The following TMEM178B variants were observed in gnomAD, a reference collection of about 807,000 sequenced individuals.
TMEM178B encodes transmembrane protein 178B.
TMEM178B carries 5 observed loss-of-function variants against 31.0 expected under a neutral mutation model. That is an observed-to-expected ratio of 0.16 (90% CI 0.08 to 0.34). TMEM178B has a LOEUF of 0.34. Among genes scored for constraint, TMEM178B ranks in the 10% least tolerant of loss-of-function variants. The probability of loss-of-function intolerance (pLI) is 1.00; values close to 1 mark genes in which losing one functional copy is unlikely to be tolerated. For missense variants in TMEM178B, 275 were observed against 400.3 expected (o/e 0.69, Z 2.67); for synonymous variants, 164 against 164.0 (o/e 1.00, Z 0.00).
chr7:141,408,193 A>C (rs1800919038), intron 2 of TMEM178B, among the ~76,000 whole-genome samples: 1 of 151,764 alleles, frequency 6.6e-6, no homozygotes. Flanking sequence ...AAAAAAAAAA[A>C]GGTGAACCTA....
chr7:141,195,804 G>A (rs1273825848), intron 1 of TMEM178B, among the ~76,000 whole-genome samples: 1 of 152,198 alleles, frequency 6.6e-6, no homozygotes, highest in Non-Finnish European at 1.5e-5. Context: ...CATGGCTGGG[G>A]AGGCCTCAGA....
chr7:141,394,448 T>C (rs1800601071), intron 2 of TMEM178B, among the ~76,000 whole-genome samples: 1 of 152,266 alleles, frequency 6.6e-6, no homozygotes, highest in Non-Finnish European at 1.5e-5. Flanking sequence ...TCACTGGCAA[T>C]GTGGCCTTGG....
chr7:141,267,466 C>T (rs1798112186), intron 2 of TMEM178B, among the ~76,000 whole-genome samples: 1 of 152,164 alleles, frequency 6.6e-6, no homozygotes, highest in South Asian at 2.1e-4. Context: ...CCCTCATTAG[C>T]TCATCATATT....
intron 1 of TMEM178B, among the ~76,000 whole-genome samples, chr7:141,192,196 A>T (rs1384697068): frequency 2.0e-5 from 3 of 152,220 alleles, no homozygotes; most frequent in Non-Finnish European, 4.4e-5. Flanking sequence ...TCACCTAGGC[A>T]ACAGAGAGAG....
chr7:141,301,076 T>G (rs1798716717), intron 2 of TMEM178B, among the ~76,000 whole-genome samples: 1 of 152,164 alleles, frequency 6.6e-6, no homozygotes, highest in Non-Finnish European at 1.5e-5. Context: ...AAGGCTTTGT[T>G]CCAGATCCTT....
chr7:141,124,488 C>A (rs1795458030), intron 1 of TMEM178B, among the ~76,000 whole-genome samples: 1 of 152,322 alleles, frequency 6.6e-6, no homozygotes, highest in Non-Finnish European at 1.5e-5. Context: ...GTGTCTCCTT[C>A]TGCCTCCTTT....
the TMEM178B span, among the ~76,000 whole-genome samples, chr7:141,494,965 G>C: frequency 7.2e-5 from 11 of 152,266 alleles, 1 homozygote; most frequent in South Asian, 8.3e-4. Context: ...GAAGCCGGGT[G>C]GTGGGAGCAC....
At chr7:141,215,777 CCTTTCTTTCTTTCTTT>C (rs529722580) in intron 2 of TMEM178B, among the ~76,000 whole-genome samples, 2,338 of 112,100 alleles carry the variant, frequency 0.021, 67 homozygotes, top group African/African-American at 0.034. Context: ...TATATACTTT[CCTTTCTTTCTTTCTTT>C]CTTTCTTTCT....
intron 2 of TMEM178B, among the ~76,000 whole-genome samples, chr7:141,346,867 T>G (rs1443041602): frequency 6.6e-6 from 1 of 152,234 alleles, no homozygotes; most frequent in Non-Finnish European, 1.5e-5. Context: ...CCAAATCTCA[T>G]GTGGAATTGT....
intron 1 of TMEM178B, among the ~76,000 whole-genome samples, chr7:141,138,023 T>C (rs969482315): frequency 6.6e-6 from 1 of 152,132 alleles, no homozygotes; most frequent in Non-Finnish European, 1.5e-5. Context: ...TTTCTTGGCT[T>C]AAGGTGCTCT....
intron 1 of TMEM178B, among the ~76,000 whole-genome samples, chr7:141,186,460 G>A (rs1235616234): frequency 1.3e-5 from 2 of 152,156 alleles, no homozygotes; most frequent in Non-Finnish European, 2.9e-5. Flanking sequence ...CCCATCCGCT[G>A]TCTCTACTTA....
At chr7:141,216,279 A>G (rs1262331471) in intron 2 of TMEM178B, among the ~76,000 whole-genome samples, 1 of 152,166 alleles carries the variant, frequency 6.6e-6, no homozygotes, top group African/African-American at 2.4e-5. Context: ...TGGGAGGCTT[A>G]AATGCTGGTG....
At chr7:141,337,030 C>G (rs1351768687) in intron 2 of TMEM178B, among the ~76,000 whole-genome samples, 1 of 85,296 alleles carries the variant, frequency 1.2e-5, no homozygotes, top group East Asian at 2.8e-4. Context: ...CCACCATCAC[C>G]ACCACCACCA....
At chr7:141,254,545 C>G (rs972078688) in intron 2 of TMEM178B, among the ~76,000 whole-genome samples, 14 of 152,040 alleles carry the variant, frequency 9.2e-5, no homozygotes, top group African/African-American at 3.4e-4. Context: ...TGGTGACACC[C>G]CATCTCTACT....
rs796659124 is a variant in TMEM178B at position 141,435,596 on chromosome 7, G to A, written c.497-2012G>A. ...ATTTGGGGAGATGGAGGGAGAGGAC[G>A]GCACAGATGATTCAATAAGAAGGGG... On this transcript the variant is annotated intron_variant, in intron 2 of 3. Coordinates refer to ENST00000565468, the MANE Select transcript of TMEM178B (RefSeq NM_001195278.2). Among the ~76,000 whole-genome samples the A allele has an allele frequency of 2.6e-5, 4 of 152,290 alleles. 1 individual carries two copies. Among genetic ancestry groups the A allele is most frequent in the African/African-American group, 9.6e-5 (4 of 41,566 alleles).
chr7:141,407,445 A>G (rs1051104042), intron 2 of TMEM178B, among the ~76,000 whole-genome samples: 1 of 152,238 alleles, frequency 6.6e-6, no homozygotes, highest in Non-Finnish European at 1.5e-5. Flanking sequence ...CCCCTCAGGA[A>G]TGAAAATAGC....
chr7:141,143,115 AT>A (rs1795800629), intron 1 of TMEM178B, among the ~76,000 whole-genome samples: 1 of 152,090 alleles, frequency 6.6e-6, no homozygotes, highest in African/African-American at 2.4e-5. Context: ...TAGATTTTCG[AT>A]TTTAGACATT....
intron 3 of TMEM178B, among the ~76,000 whole-genome samples, chr7:141,466,956 G>A (rs1239350582): frequency 6.6e-6 from 1 of 152,078 alleles, no homozygotes; most frequent in Non-Finnish European, 1.5e-5. Flanking sequence ...CCAAGACACA[G>A]CTTCCTCTTA....
intron 1 of TMEM178B, among the ~76,000 whole-genome samples, chr7:141,203,972 G>A (rs1334547067): frequency 2.6e-5 from 4 of 152,128 alleles, no homozygotes; most frequent in East Asian, 1.9e-4. Context: ...AAAGGGCCTT[G>A]GGAGAACCAA....
Sources: gnomAD v4.1 joint callset for allele counts (sites outside exome capture counted in the v4.1 genomes callset) on GRCh38, gnomAD v4.1.1 for gene constraint, MANE v1.5 for transcripts, NCBI Gene and HGNC (gene_info 2026-07-23, HGNC 2026-07-21) for gene names.